Variants in ZNF92 observed in about 807,000 individuals in gnomAD.
ZNF92 encodes zinc finger protein 92, also known as epididymis luminal protein 203.
In ZNF92, 11 loss-of-function variants were observed where a neutral mutation model predicts 12.4. That is an observed-to-expected ratio of 0.89 (90% confidence interval 0.56 to 1.47). ZNF92 has a LOEUF of 1.47. Ranked by LOEUF, ZNF92 falls within the 40% of genes most tolerant of loss-of-function variation. The probability of loss-of-function intolerance (pLI) is 0.00; values close to 1 mark genes in which losing one functional copy is unlikely to be tolerated. For synonymous variants in ZNF92, 206 were observed against 228.6 expected (o/e 0.90, Z 0.89); for missense variants, 622 against 681.0 (o/e 0.91, Z 0.96).
chr7:65,392,462 G>T (rs1793740617), intron 3 of ZNF92, among the ~76,000 whole-genome samples: 1 of 148,700 alleles, frequency 6.7e-6, no homozygotes, highest in Non-Finnish European at 1.5e-5. Flanking sequence ...ACATTTCATT[G>T]CCAGGCATGG....
In ZNF92 at chr7:65,390,248, CCTAT is replaced by C. The variant is rs528074873; in HGVS notation, c.226+1350_226+1353del. On this transcript the variant is annotated intron_variant, in intron 3 of 3. Coordinates refer to ENST00000328747, the MANE Select transcript of ZNF92 (RefSeq NM_152626.4). ...GTGATCTACAAACAGCAACTTTTTA[CCTAT>C]CTGTCTTCAATGTCAATGGCTTTTT... Among the ~76,000 whole-genome samples, 219 of 152,094 alleles carry C rather than the reference CCTAT, an allele frequency of 1.4e-3. 2 individuals are homozygous for C. The highest frequency in any genetic ancestry group is 0.014 in the Middle Eastern group (4 of 294).
At chr7:65,378,643 G>C (rs1793318435) in intron 1 of ZNF92, among the ~76,000 whole-genome samples, 1 of 151,888 alleles carries the variant, frequency 6.6e-6, no homozygotes, top group African/African-American at 2.4e-5. Flanking sequence ...TCGGGAGGCT[G>C]AGGCAGGAGA....
chr7:65,396,627 G>A (rs1584290728), intron 3 of ZNF92, among the ~76,000 whole-genome samples: 1 of 152,048 alleles, frequency 6.6e-6, no homozygotes, highest in South Asian at 2.1e-4. Context: ...TTTATATATG[G>A]TTTTATGATG....
chr7:65,386,013 G>A (rs1243557367), intron 1 of ZNF92, among the ~76,000 whole-genome samples: 3 of 151,624 alleles, frequency 2.0e-5, no homozygotes, highest in Non-Finnish European at 4.4e-5. Context: ...TCAAGTATCT[G>A]AAAAATTTTT....
rs78528732 is a variant in ZNF92, at chr7:65,395,066, G to T, written c.227-3275G>T. Among the ~76,000 whole-genome samples the T allele has an allele frequency of 9.7e-3, 1,473 of 152,122 alleles. 34 individuals are homozygous for T. Among genetic ancestry groups the T allele is most frequent in the African/African-American group, 0.033 (1,369 of 41,520 alleles). On this transcript the variant is annotated intron_variant, in intron 3 of 3. Coordinates refer to ENST00000328747, the MANE Select transcript of ZNF92 (RefSeq NM_152626.4). The stretch of plus-strand genomic sequence containing the variant: ...CAGAAAACATACCATTTATTATTTT[G>T]GTCTTAAGTTTATTTATTGTTGTTT...
At chr7:65,390,849 C>G (rs1442647399) in intron 3 of ZNF92, among the ~76,000 whole-genome samples, 1 of 151,996 alleles carries the variant, frequency 6.6e-6, no homozygotes, top group African/African-American at 2.4e-5. Context: ...AGCCGGCCTG[C>G]CTGCATGGCT....
chr7:65,377,633 C>A (rs540870637), intron 1 of ZNF92, among the ~76,000 whole-genome samples: 1 of 151,948 alleles, frequency 6.6e-6, no homozygotes, highest in South Asian at 2.1e-4. Context: ...ACGGCGCGAT[C>A]TAGACTCACT....
At position 65,374,002 on chromosome 7, in the gene ZNF92, T is replaced by C; in HGVS notation, c.3+2T>C. On this transcript the variant is annotated splice_donor_variant, in intron 1 of 3. Transcript: ENST00000328747. LOFTEE classifies it high-confidence loss of function. Reference sequence around the variant, plus strand: ...GGACCCCCTGGAAGCCTAGAAATGGTGAGCCTGCTGGGTCCCACATCCCGA... The same window carrying C: ...GGACCCCCTGGAAGCCTAGAAATGGCGAGCCTGCTGGGTCCCACATCCCGA... The C allele has an allele frequency of 6.2e-7, 1 of 1,614,026 alleles. No individual in the cohort carries two copies. Among genetic ancestry groups the C allele is most frequent in the Non-Finnish European group, 8.5e-7 (1 of 1,179,970 alleles).
chr7:65,391,696 T>C (rs557980006), intron 3 of ZNF92, among the ~76,000 whole-genome samples: 1 of 152,186 alleles, frequency 6.6e-6, no homozygotes, highest in Admixed American at 6.5e-5. Context: ...ATTGCAGCAG[T>C]TTCATCTAGT....
At chr7:65,395,246 AT>A (rs1273848131) in intron 3 of ZNF92, among the ~76,000 whole-genome samples, 1 of 151,754 alleles carries the variant, frequency 6.6e-6, no homozygotes, top group African/African-American at 2.4e-5. Context: ...GTAGGGACAG[AT>A]TCTCACTGTG....
intron 1 of ZNF92, among the ~76,000 whole-genome samples, chr7:65,385,919 G>T (rs1419642190): frequency 1.3e-5 from 2 of 151,962 alleles, no homozygotes; most frequent in Non-Finnish European, 2.9e-5. Context: ...AATGCCATGT[G>T]TTTAGTACTT....
chr7:65,390,107 A>C (rs989396834), intron 3 of ZNF92, among the ~76,000 whole-genome samples: 1 of 151,974 alleles, frequency 6.6e-6, no homozygotes, highest in African/African-American at 2.4e-5. Context: ...CTTTTATATC[A>C]TGTAGCTTAT....
chr7:65,375,301 T>G (rs995669158), intron 1 of ZNF92, among the ~76,000 whole-genome samples: 3 of 152,040 alleles, frequency 2.0e-5, no homozygotes, highest in African/African-American at 7.2e-5. Context: ...ATACCTACCA[T>G]GGCAATGTCG....
intron 1 of ZNF92, 125 bp downstream of exon 1, chr7:65,374,125 T>G: frequency 7.4e-7 from 1 of 1,346,046 alleles, no homozygotes; most frequent in South Asian, 1.2e-5. Flanking sequence ...CGAGTTCTCC[T>G]TGGCGCAGCT....
intron 3 of ZNF92, among the ~76,000 whole-genome samples, chr7:65,395,231 C>T (rs1490804548): frequency 6.6e-6 from 1 of 151,810 alleles, no homozygotes; most frequent in East Asian, 1.9e-4. Context: ...ATATTTTGAT[C>T]ATTTGTAGGG....
rs1793986590 is a variant in ZNF92 at position 65,400,536 on chromosome 7, T to C, written c.*661T>C. 1 of 152,034 alleles carries C rather than the reference T, an allele frequency of 6.6e-6. No homozygotes were observed. The highest frequency in any genetic ancestry group is 2.1e-4 in the South Asian group (1 of 4,830). 9.4% of individuals were successfully genotyped at this position (152,034 alleles called of 1,614,324 possible). A position where few individuals can be genotyped will look rare whatever the true frequency, so the allele number is the denominator to read the frequency against. On this transcript the variant is annotated 3_prime_UTR_variant, in exon 4 of 4. Transcript: ENST00000328747. ...TCTATGTAAATATCAGAATTCACAG[T>C]AGAAATCATAAGGCATAAGGCACTG...
At chr7:65,398,263 A>G in intron 3 of ZNF92, 78 bp from the exon 4 acceptor site, 5 of 1,252,276 alleles carry the variant, frequency 4.0e-6, no homozygotes, top group Non-Finnish European at 3.2e-6. Context: ...AGTTTGTACA[A>G]TTTTATAGGT....
rs772161481 is a variant in ZNF92 at position 65,398,671 on chromosome 7, C to A, written c.557C>A (p.Ser186Ter). 6.2e-7 allele frequency: 1 copy of A among 1,611,718 alleles called. No homozygotes were observed. The highest frequency in any genetic ancestry group is 1.1e-5 in the South Asian group (1 of 90,588). The change falls in exon 4 of 4, where the codon TCA becomes TAA. Residue 186 changes from serine to a stop codon, truncating the protein, a stop_gained. Coordinates refer to ENST00000328747, the MANE Select transcript of ZNF92 (RefSeq NM_152626.4). LOFTEE classifies it low-confidence loss of function (END_TRUNC). ...KNRGKSFCML[S>*]QLTQHKKIHT... ...CGTGGCAAATCATTTTGCATGCTTT[C>A]ACAATTAACTCAACATAAGAAAATT...
intron 3 of ZNF92, among the ~76,000 whole-genome samples, chr7:65,396,654 TA>T (rs991078424): frequency 6.6e-6 from 1 of 152,110 alleles, no homozygotes; most frequent in African/African-American, 2.4e-5. Context: ...AGCATTATTT[TA>T]TTTTTCAACA....
Sources: gnomAD v4.1 joint callset for allele counts (sites outside exome capture counted in the v4.1 genomes callset) on GRCh38, gnomAD v4.1.1 for gene constraint, MANE v1.5 for transcripts, NCBI Gene and HGNC (gene_info 2026-07-23, HGNC 2026-07-21) for gene names.